RFX3: variants seen among roughly 807,000 people sequenced by gnomAD.
RFX3 encodes the protein transcription factor RFX3.
In RFX3, 14 loss-of-function variants were observed where a neutral mutation model predicts 98.6. That is an observed-to-expected ratio of 0.14 (90% CI 0.09 to 0.22). The LOEUF is 0.22. Ranked by LOEUF, RFX3 falls within the 10% of genes least tolerant of loss-of-function variation. The pLI is 1.00. For missense variants in RFX3, 639 were observed against 926.9 expected, an observed-to-expected ratio of 0.69 and a Z score of 4.03; for synonymous variants, 383 against 328.4, an observed-to-expected ratio of 1.17 and a Z score of -1.80.
intron 1 of RFX3, among the ~76,000 whole-genome samples, chr9:3,453,255 C>T (rs1198681771): frequency 1.3e-5 from 2 of 151,934 alleles, no homozygotes; most frequent in East Asian, 1.9e-4. Context: ...AGTGTAAACA[C>T]CCCCCAAGTG....
At chr9:3,366,879 G>C (rs1366342708) in intron 2 of RFX3, among the ~76,000 whole-genome samples, 1 of 151,970 alleles carries the variant, frequency 6.6e-6, no homozygotes, top group Admixed American at 6.6e-5. Flanking sequence ...CAAAAAAGTA[G>C]TAGTTTCCCC....
chr9:3,237,472 T>C (rs929485150), intron 15 of RFX3, among the ~76,000 whole-genome samples: 1 of 152,226 alleles, frequency 6.6e-6, no homozygotes, highest in South Asian at 2.1e-4. Flanking sequence ...GATGATCTAA[T>C]TATATACATT....
At chr9:3,395,144 A>G (rs1271746675) in intron 2 of RFX3, among the ~76,000 whole-genome samples, 1 of 152,252 alleles carries the variant, frequency 6.6e-6, no homozygotes, top group African/African-American at 2.4e-5. Context: ...AGAAATAGAA[A>G]GTTGTGATAA....
chr9:3,313,203 C>A (rs1434629006), intron 4 of RFX3, among the ~76,000 whole-genome samples: 1 of 152,200 alleles, frequency 6.6e-6, no homozygotes, highest in Non-Finnish European at 1.5e-5. Context: ...ATCTGCCGTT[C>A]TGCAATATTT....
At chr9:3,232,690 A>G (rs1262796337) in intron 15 of RFX3, among the ~76,000 whole-genome samples, 3 of 152,214 alleles carry the variant, frequency 2.0e-5, no homozygotes, top group African/African-American at 7.2e-5. Flanking sequence ...TATTGAAAAC[A>G]ATGAGTTGAT....
intron 12 of RFX3, among the ~76,000 whole-genome samples, chr9:3,265,352 T>C (rs1488043423): frequency 6.6e-6 from 1 of 152,216 alleles, no homozygotes; most frequent in Non-Finnish European, 1.5e-5. Context: ...AGAGAAAGTT[T>C]TATTGCAAAC....
At chr9:3,295,441 C>T (rs1273259848) in intron 5 of RFX3, among the ~76,000 whole-genome samples, 1 of 151,876 alleles carries the variant, frequency 6.6e-6, no homozygotes, top group Non-Finnish European at 1.5e-5. Flanking sequence ...TGACCACCTT[C>T]TAGTGGCAGT....
chr9:3,369,497 C>T (rs544629322), intron 2 of RFX3, among the ~76,000 whole-genome samples: 1 of 152,212 alleles, frequency 6.6e-6, no homozygotes, highest in South Asian at 2.1e-4. Flanking sequence ...TAGAAATTTC[C>T]AAATAAAGGA....
intron 1 of RFX3, among the ~76,000 whole-genome samples, chr9:3,501,056 C>G (rs911170155): frequency 6.6e-6 from 1 of 152,118 alleles, no homozygotes; most frequent in Non-Finnish European, 1.5e-5. Context: ...GGCTACAAAG[C>G]TTCAATATAA....
chr9:3,406,709 T>A (rs894788364), intron 1 of RFX3, among the ~76,000 whole-genome samples: 3 of 152,222 alleles, frequency 2.0e-5, no homozygotes, highest in Non-Finnish European at 4.4e-5. Flanking sequence ...CACAATTTTT[T>A]AAAATTCTAC....
intron 1 of RFX3, among the ~76,000 whole-genome samples, chr9:3,490,616 T>G (rs533907697): frequency 5.3e-4 from 81 of 152,196 alleles, no homozygotes; most frequent in African/African-American, 1.9e-3. Context: ...AATCATAGTA[T>G]TGTAATAATA....
At chr9:3,521,551 G>A (rs768317567) in intron 1 of RFX3, among the ~76,000 whole-genome samples, 6 of 152,130 alleles carry the variant, frequency 3.9e-5, no homozygotes, top group Non-Finnish European at 5.9e-5. Flanking sequence ...AATTCCCACA[G>A]AAAAGGACAG....
chr9:3,229,463 A>C (rs1355474542), intron 15 of RFX3, among the ~76,000 whole-genome samples: 1 of 152,246 alleles, frequency 6.6e-6, no homozygotes, highest in South Asian at 2.1e-4. Context: ...AAAGAAAAGC[A>C]TCTGATCATT....
chr9:3,344,901 G>A lies in RFX3; in HGVS notation c.215+1766C>T, dbSNP rs116747687. 2.6e-3 allele frequency: 1,822 copies of A among 697,894 alleles called. 19 individuals carry two copies. Among genetic ancestry groups the A allele is most frequent in the African/African-American group, 0.026 (1,434 of 55,574 alleles). 43.2% of individuals were successfully genotyped at this position (697,894 alleles called of 1,614,324 possible). On this transcript the variant is annotated intron_variant, in intron 3 of 16. Transcript: ENST00000617270. ...TGGACCTATACAACAAATAAGTAGA[G>A]TGAAAAACATTCACAGTGTGTCTAA...
At chr9:3,421,013 A>G in intron 1 of RFX3, 1 of 356,828 alleles carries the variant, frequency 2.8e-6, no homozygotes, top group Non-Finnish European at 3.7e-6. Context: ...TATTTCTACT[A>G]TGTGCCAAAA....
At chr9:3,331,476 T>C (rs537814204) in intron 3 of RFX3, among the ~76,000 whole-genome samples, 1 of 152,324 alleles carries the variant, frequency 6.6e-6, no homozygotes, top group East Asian at 1.9e-4. Context: ...AAATACAAAA[T>C]TGAAATTCCC....
chr9:3,288,692 ATCTTAAT>A (rs1826954396), intron 6 of RFX3, among the ~76,000 whole-genome samples: 2 of 152,116 alleles, frequency 1.3e-5, no homozygotes, highest in South Asian at 2.1e-4. Context: ...CAAAGAAAAA[ATCTTAAT>A]TCTACTTTCC....
intron 1 of RFX3, among the ~76,000 whole-genome samples, chr9:3,427,887 T>G (rs1240437865): frequency 6.6e-6 from 1 of 152,066 alleles, no homozygotes; most frequent in Non-Finnish European, 1.5e-5. Context: ...ACCCTTCTGG[T>G]GCCCCGCTCC....
chr9:3,238,874 T>A (rs2130824017), intron 15 of RFX3, among the ~76,000 whole-genome samples: 1 of 151,768 alleles, frequency 6.6e-6, no homozygotes, highest in Admixed American at 6.6e-5. Context: ...ATGCCTATAA[T>A]CCCAGCTACT....
Sources: allele counts gnomAD v4.1 joint callset (sites outside exome capture counted in the v4.1 genomes callset), GRCh38; gene constraint gnomAD v4.1.1; transcripts MANE v1.5; gene names NCBI Gene and HGNC (gene_info 2026-07-23, HGNC 2026-07-21).